UGGT1: variants seen among roughly 807,000 people sequenced by gnomAD.
The protein encoded by UGGT1 is UDP-glucose glycoprotein glucosyltransferase 1.
UGGT1 carries 107 observed loss-of-function variants against 203.9 expected under a neutral mutation model. The observed-to-expected ratio is 0.52, with a 90% CI of 0.45 to 0.62. The LOEUF is 0.62. UGGT1 is among the 20% of genes least tolerant of loss of function. The pLI is 0.00. For synonymous variants in UGGT1, 628 were observed against 653.5 expected, an observed-to-expected ratio of 0.96 and a Z score of 0.59; for missense variants, 1,673 against 1,867.2, an observed-to-expected ratio of 0.90 and a Z score of 1.92.
chr2:128,091,624 G>C (rs1686869754), intron 1 of UGGT1: 1 of 1,428,336 alleles, frequency 7.0e-7, no homozygotes, highest in African/African-American at 1.5e-5. Context: ...GTGGCGGCGG[G>C]CTCTGTTCAG....
chr2:128,134,832 TGAATA>T (rs1316318251), intron 14 of UGGT1, 39 bp from the exon 15 acceptor site: 1 of 1,570,632 alleles, frequency 6.4e-7, no homozygotes, highest in Non-Finnish European at 8.7e-7. Context: ...CACAGATACT[TGAATA>T]AATGTCATTT....
At chr2:128,107,426 C>T (rs1473190734) in intron 3 of UGGT1, among the ~76,000 whole-genome samples, 6 of 152,142 alleles carry the variant, frequency 3.9e-5, no homozygotes, top group Non-Finnish European at 8.8e-5. Flanking sequence ...GGAGTAGTTA[C>T]CATATGCTAG....
intron 8 of UGGT1, among the ~76,000 whole-genome samples, chr2:128,119,362 C>T (rs868727374): frequency 5.9e-5 from 9 of 151,666 alleles, no homozygotes; most frequent in South Asian, 2.1e-4. Flanking sequence ...GAGGCTGAGG[C>T]GGGCGGATCA....
intron 39 of UGGT1, 50 bp downstream of exon 39, chr2:128,186,849 G>A (rs748540223): frequency 4.8e-5 from 64 of 1,320,274 alleles, no homozygotes; most frequent in East Asian, 2.2e-4. Context: ...GGATGTGTGA[G>A]TGAATCACGA....
chr2:128,104,133 C>G, intron 3 of UGGT1, 119 bp downstream of exon 3: 2 of 705,546 alleles, frequency 2.8e-6, no homozygotes, highest in Non-Finnish European at 4.5e-6. Context: ...TCTTTAATGA[C>G]TGGAGTTATG....
At chr2:128,129,306 T>C (rs1688764274) in intron 13 of UGGT1, 127 bp downstream of exon 13, 1 of 1,152,764 alleles carries the variant, frequency 8.7e-7, no homozygotes, top group Non-Finnish European at 1.2e-6. Context: ...AGATTTATAA[T>C]TGCTTATATG....
rs1689521019 is a variant in UGGT1, at chr2:128,143,157, A to G, written c.1783A>G (p.Lys595Glu). The change falls in exon 17 of 41, where the codon AAG (lysine) becomes GAG (glutamate). Residue 595 changes from lysine to glutamate, a missense_variant. Coordinates refer to ENST00000259253, the MANE Select transcript of UGGT1 (RefSeq NM_020120.4). ...TGAACATGTGGTCAGTGTCCTGGAG[A>G]AGAAATATCCGTATGTAGAAGTGAA... is the stretch of plus-strand genomic sequence containing the variant. ...KVEHVVSVLEKKYPYVEVNSI... is the reference protein window; with the variant it reads ...KVEHVVSVLEEKYPYVEVNSI... The G allele has an allele frequency of 2.5e-6, 4 of 1,614,012 alleles. No homozygotes were observed. Among genetic ancestry groups the G allele is most frequent in the Non-Finnish European group, 3.4e-6 (4 of 1,179,960 alleles).
intron 19 of UGGT1, among the ~76,000 whole-genome samples, chr2:128,153,302 A>C (rs1186919674): frequency 1.3e-5 from 2 of 152,202 alleles, no homozygotes; most frequent in Non-Finnish European, 2.9e-5. Flanking sequence ...AGTGAATTTT[A>C]CTCTGAGAAC....
chr2:128,091,639 C>G, intron 1 of UGGT1: 4 of 1,380,510 alleles, frequency 2.9e-6, no homozygotes, highest in African/African-American at 1.5e-5. Context: ...GTTCAGCGGT[C>G]TTGAACCTTC....
intron 40 of UGGT1, among the ~76,000 whole-genome samples, 183 bp from the exon 41 acceptor site, chr2:128,189,534 C>CT (rs1692153172): frequency 6.6e-6 from 1 of 152,192 alleles, no homozygotes; most frequent in African/African-American, 2.4e-5. Flanking sequence ...TTTAAAAAAT[C>CT]TTTAATTTAG....
At position 128,164,783 on chromosome 2, in the gene UGGT1, G is replaced by A. The variant is rs1439048335; in HGVS notation, c.2879G>A (p.Gly960Glu). The A allele has an allele frequency of 6.2e-7, 1 of 1,611,836 alleles. No individual in the cohort carries two copies. Among genetic ancestry groups the A allele is most frequent in the Non-Finnish European group, 8.5e-7 (1 of 1,179,314 alleles). Residue 960 changes from glycine (G) to glutamate (E), a missense_variant, in exon 26 of 41, where the codon GGA (glycine) becomes GAA (glutamate). Around this residue, in one of 4 missense-constraint regions of UGGT1, gnomAD observed 1,073 missense variants for 1,078.7 expected, o/e 0.99. Transcript: ENST00000259253. ...VDALLSAQPK[G>E]DPRIEYQFFE... ...GCTCTTCTGTCAGCGCAACCAAAAG[G>A]AGATCCAAGAATCGAGTACCAGTTT...
intron 33 of UGGT1, among the ~76,000 whole-genome samples, chr2:128,178,210 G>T (rs774722633): frequency 3.9e-5 from 6 of 152,148 alleles, no homozygotes; most frequent in Non-Finnish European, 7.3e-5. Context: ...ACTTCCCGTT[G>T]TGTAAGTTGC....
intron 2 of UGGT1, among the ~76,000 whole-genome samples, chr2:128,101,233 C>A (rs970771649): frequency 3.3e-5 from 5 of 152,108 alleles, no homozygotes; most frequent in African/African-American, 1.2e-4. Context: ...TGTGGGAGAC[C>A]CTGATGTTGG....
chr2:128,105,655 C>T lies in UGGT1; in HGVS notation c.277+1641C>T, dbSNP rs547403719. On this transcript the variant is annotated intron_variant, in intron 3 of 40. Transcript: ENST00000259253. ...TCAGCCTCCCGAGTAGCTGGGATTA[C>T]AGGTGCCCACCATCGCGCCCAGCTA... Among the ~76,000 whole-genome samples, 191 of 152,034 alleles carry T rather than the reference C, an allele frequency of 1.3e-3. 1 individual carries two copies. Among genetic ancestry groups the T allele is most frequent in the African/African-American group, 4.4e-3 (184 of 41,454 alleles).
chr2:128,102,940 G>T, intron 2 of UGGT1: 1 of 409,478 alleles, frequency 2.4e-6, no homozygotes. Flanking sequence ...TTACTAGAAA[G>T]CCTAGAAAAA....
At chr2:128,181,169 C>A in intron 36 of UGGT1, 97 bp downstream of exon 36, 2 of 1,186,676 alleles carry the variant, frequency 1.7e-6, no homozygotes, top group East Asian at 2.4e-5. Flanking sequence ...AAAGGACATG[C>A]TTATTTTACA....
chr2:128,132,889 A>G (rs1688950591), intron 13 of UGGT1, among the ~76,000 whole-genome samples: 1 of 151,850 alleles, frequency 6.6e-6, no homozygotes, highest in Non-Finnish European at 1.5e-5. Context: ...ATTTTTTTGC[A>G]GAGATGGGGG....
intron 25 of UGGT1, 85 bp from the exon 26 acceptor site, chr2:128,164,645 G>T: frequency 9.2e-7 from 1 of 1,090,690 alleles, no homozygotes; most frequent in Non-Finnish European, 1.4e-6. Context: ...TTAGAATTCA[G>T]TATTTGGGCT....
intron 1 of UGGT1, among the ~76,000 whole-genome samples, chr2:128,096,286 A>AT (rs1158045013): frequency 1.3e-5 from 2 of 152,186 alleles, no homozygotes; most frequent in Non-Finnish European, 2.9e-5. Context: ...CTGAGTTTAC[A>AT]TTTGGGACCC....
Sources: allele counts gnomAD v4.1 joint callset (sites outside exome capture counted in the v4.1 genomes callset), GRCh38; gene constraint gnomAD v4.1.1; regional missense constraint gnomAD v4.1.1; transcripts MANE v1.5; gene names NCBI Gene and HGNC (gene_info 2026-07-23, HGNC 2026-07-21).